Variants in SRPK2 observed in about 807,000 individuals in gnomAD.
SRPK2 encodes SFRS protein kinase 2.
SRPK2 carries 21 observed loss-of-function variants against 90.8 expected under a neutral mutation model. The observed-to-expected ratio is 0.23, with a 90% CI of 0.16 to 0.33. The LOEUF is 0.33. SRPK2 is among the 10% of genes least tolerant of loss of function. The probability of loss-of-function intolerance (pLI) is 1.00; values close to 1 mark genes in which losing one functional copy is unlikely to be tolerated. For missense variants in SRPK2, 620 were observed against 869.0 expected (o/e 0.71, Z 3.60); for synonymous variants, 288 against 311.1 (o/e 0.93, Z 0.78).
At chr7:105,191,898 T>C (rs987271532) in intron 3 of SRPK2, among the ~76,000 whole-genome samples, 3 of 151,364 alleles carry the variant, frequency 2.0e-5, no homozygotes, top group Non-Finnish European at 4.4e-5. Flanking sequence ...TTTTTTTAAA[T>C]AGAGACAAAG....
intron 2 of SRPK2, among the ~76,000 whole-genome samples, chr7:105,290,253 T>C (rs1236856979): frequency 2.0e-5 from 3 of 148,088 alleles, no homozygotes; most frequent in Non-Finnish European, 3.0e-5. Flanking sequence ...GTCACAAAAT[T>C]TCCATTTGTA....
intron 2 of SRPK2, among the ~76,000 whole-genome samples, chr7:105,354,484 T>C (rs144660769): frequency 2.6e-5 from 4 of 152,226 alleles, no homozygotes; most frequent in Non-Finnish European, 4.4e-5. Context: ...TTAAGTAGCA[T>C]AGGTAAGCAT....
At chr7:105,286,119 G>A (rs1808070809) in intron 2 of SRPK2, among the ~76,000 whole-genome samples, 1 of 152,170 alleles carries the variant, frequency 6.6e-6, no homozygotes, top group Non-Finnish European at 1.5e-5. Flanking sequence ...GTGGTAGAGG[G>A]AAAATCTGTA....
intron 3 of SRPK2, among the ~76,000 whole-genome samples, chr7:105,176,091 A>G (rs530318014): frequency 2.6e-5 from 4 of 152,328 alleles, no homozygotes; most frequent in African/African-American, 4.8e-5. Flanking sequence ...CGTTCAACAA[A>G]TCAAATCAAA....
At position 105,272,919 on chromosome 7, in the gene SRPK2, G is replaced by C. The variant is rs556726029; in HGVS notation, c.72-69134C>G. 4.2e-4 allele frequency among the ~76,000 whole-genome samples: 64 copies of C among 152,172 alleles called. 1 individual carries two copies. In the South Asian group the frequency reaches 9.5e-3, roughly 23 times the overall value. Reference sequence around the variant, plus strand: ...CAGGCTAGTTCCCCCAATCTCATTTGAAATATCTTTCCCGGCCGGGCGCGG... The same window carrying C: ...CAGGCTAGTTCCCCCAATCTCATTTCAAATATCTTTCCCGGCCGGGCGCGG... On this transcript the variant is annotated intron_variant, in intron 2 of 15. Coordinates refer to ENST00000393651, the MANE Select transcript of SRPK2 (RefSeq NM_182692.3).
intron 2 of SRPK2, chr7:105,268,770 C>T: frequency 6.4e-7 from 1 of 1,573,422 alleles, no homozygotes; most frequent in Non-Finnish European, 8.7e-7. Flanking sequence ...AGCAATGCTA[C>T]ACCATTAATT....
At chr7:105,381,228 A>G (rs1490806003) in intron 2 of SRPK2, among the ~76,000 whole-genome samples, 1 of 152,010 alleles carries the variant, frequency 6.6e-6, no homozygotes, top group Non-Finnish European at 1.5e-5. Flanking sequence ...TGGGTGACAG[A>G]GCAAGACTGC....
At chr7:105,115,954 A>G (rs561261465), downstream of SRPK2, among the ~76,000 whole-genome samples, 1 of 152,318 alleles carries the variant, frequency 6.6e-6, no homozygotes, top group South Asian at 2.1e-4. Context: ...CTACAGCCTC[A>G]TTAGAAAAAC....
At chr7:105,118,083 G>T in intron 15 of SRPK2, 61 bp from the exon 16 acceptor site, 2 of 1,576,266 alleles carry the variant, frequency 1.3e-6, no homozygotes, top group Non-Finnish European at 1.7e-6. Context: ...CCCATTGTTG[G>T]TCCAGTCAGG....
intron 2 of SRPK2, among the ~76,000 whole-genome samples, chr7:105,246,214 C>A (rs1407934534): frequency 6.6e-6 from 1 of 152,162 alleles, no homozygotes; most frequent in Non-Finnish European, 1.5e-5. Flanking sequence ...AAGTTACACA[C>A]AGAGTAATTT....
intron 2 of SRPK2, among the ~76,000 whole-genome samples, chr7:105,246,137 C>G (rs1474256578): frequency 1.3e-5 from 2 of 152,120 alleles, no homozygotes; most frequent in Non-Finnish European, 2.9e-5. Context: ...ATAGACCTTA[C>G]AAAATTTCTT....
At position 105,146,875 on chromosome 7, in the gene SRPK2, C is replaced by A. The variant is rs1338007162; in HGVS notation, c.622-217G>T. ...TGTATAATTTCAGAGATTATTTATG[C>A]TCGTGGAAGCAAATGCATCTACATA... is the stretch of plus-strand genomic sequence containing the variant. On this transcript the variant is annotated intron_variant, in intron 7 of 15. Transcript: ENST00000393651. Among the ~76,000 whole-genome samples, 7 of 152,148 alleles carry A rather than the reference C, an allele frequency of 4.6e-5. No homozygotes were observed. The East Asian group carries it at 1.3e-3, about 29-fold the overall frequency.
At chr7:105,174,065 T>C (rs1371084127) in intron 3 of SRPK2, among the ~76,000 whole-genome samples, 1 of 146,502 alleles carries the variant, frequency 6.8e-6, no homozygotes, top group Non-Finnish European at 1.5e-5. Flanking sequence ...GGCAGTACAG[T>C]GAGACCCTGT....
At chr7:105,375,808 T>C (rs1417934012) in intron 2 of SRPK2, among the ~76,000 whole-genome samples, 3 of 152,016 alleles carry the variant, frequency 2.0e-5, no homozygotes, top group Non-Finnish European at 4.4e-5. Flanking sequence ...TCATGTATTA[T>C]GCAATATTCC....
chr7:105,372,066 C>T (rs1176936503), intron 2 of SRPK2, among the ~76,000 whole-genome samples: 7 of 141,438 alleles, frequency 4.9e-5, no homozygotes, highest in African/African-American at 1.8e-4. Flanking sequence ...ACCCGGAAGG[C>T]GGAGGCCGCA....
intron 2 of SRPK2, among the ~76,000 whole-genome samples, chr7:105,240,126 T>A (rs1800621111): frequency 6.6e-6 from 1 of 152,188 alleles, no homozygotes; most frequent in Admixed American, 6.5e-5. Flanking sequence ...CCAAGATCAA[T>A]GTGCCGACAG....
At chr7:105,250,370 A>T (rs928697181) in intron 2 of SRPK2, among the ~76,000 whole-genome samples, 6 of 151,280 alleles carry the variant, frequency 4.0e-5, no homozygotes, top group Non-Finnish European at 7.4e-5. Flanking sequence ...AAACAAACAT[A>T]CTTTGTACCA....
chr7:105,288,573 G>A (rs368225266), intron 2 of SRPK2, among the ~76,000 whole-genome samples: 9 of 152,132 alleles, frequency 5.9e-5, no homozygotes, highest in Non-Finnish European at 1.2e-4. Flanking sequence ...CAGCCCGAGC[G>A]ACAGTGCAAA....
chr7:105,167,430 T>A lies in SRPK2; in HGVS notation c.461A>T (p.Asp154Val). 6.2e-7 allele frequency: 1 copy of A among 1,613,844 alleles called. No homozygotes were observed. The highest frequency in any genetic ancestry group is 8.5e-7 in the Non-Finnish European group (1 of 1,179,810). Residue 154 changes from aspartate to valine, a missense_variant, in exon 6 of 16, where the codon GAC becomes GTC. By Grantham distance (152) the Asp-to-Val change is radical. This residue lies in a region of SRPK2 where 196 missense variants were observed against 339.2 expected (regional missense o/e 0.58). Coordinates refer to ENST00000393651, the MANE Select transcript of SRPK2 (RefSeq NM_182692.3). ...GTCGTCAATGAGCTGGACCACCATGTCTTTGTTTGGGTCACTGGGATCACT... is the reference window on the plus strand; with the variant it reads ...GTCGTCAATGAGCTGGACCACCATGACTTTGTTTGGGTCACTGGGATCACT... ...RESDPSDPNK[D>V]MVVQLIDDFK... is the part of the protein sequence containing the mutation.
Sources: allele counts gnomAD v4.1 joint callset (sites outside exome capture counted in the v4.1 genomes callset), GRCh38; gene constraint gnomAD v4.1.1; regional missense constraint gnomAD v4.1.1; transcripts MANE v1.5; gene names NCBI Gene and HGNC (gene_info 2026-07-23, HGNC 2026-07-21).